The following ROBO1 variants were observed in gnomAD, a reference collection of about 807,000 sequenced individuals.
ROBO1 encodes roundabout guidance receptor 1.
In ROBO1, 149 loss-of-function variants were observed where a neutral mutation model predicts 195.9. The observed-to-expected ratio is 0.76, with a 90% CI of 0.67 to 0.87. The LOEUF (loss-of-function observed/expected upper bound fraction) is 0.87. Among genes scored for constraint, ROBO1 ranks in the 40% least tolerant of loss-of-function variants. The pLI is 0.00. For synonymous variants in ROBO1, 816 were observed against 733.2 expected (o/e 1.11, Z -1.82); for missense variants, 1,933 against 2,068.3 (o/e 0.93, Z 1.27).
intron 3 of ROBO1, among the ~76,000 whole-genome samples, chr3:78,994,532 A>C (rs2077315217): frequency 6.6e-6 from 1 of 152,204 alleles, no homozygotes; most frequent in South Asian, 2.1e-4. Context: ...AAATCTCAGC[A>C]ATGTGAAACA....
intron 2 of ROBO1, among the ~76,000 whole-genome samples, chr3:79,337,940 C>G (rs1489847): frequency 0.72 from 109,351 of 152,084 alleles, 40,770 homozygotes; most frequent in African/African-American, 0.93. Context: ...TCTTTCATTT[C>G]TTATTAGTTT....
At chr3:78,985,207 G>C (rs2077079097) in intron 3 of ROBO1, among the ~76,000 whole-genome samples, 1 of 152,016 alleles carries the variant, frequency 6.6e-6, no homozygotes, top group African/African-American at 2.4e-5. Context: ...GGCTGAGGTG[G>C]GAGGATCGCT....
At chr3:78,631,328 G>T in intron 24 of ROBO1, 23 bp from the exon 25 acceptor site, 1 of 1,608,178 alleles carries the variant, frequency 6.2e-7, no homozygotes, top group Non-Finnish European at 8.5e-7. Flanking sequence ...TAAAATAGAA[G>T]CCATTGATCT....
rs138262450 is a variant in ROBO1, at chr3:79,251,820, C to T, written c.89-126281G>A. On this transcript the variant is annotated intron_variant, in intron 2 of 30. Coordinates refer to ENST00000464233, the MANE Select transcript of ROBO1 (RefSeq NM_002941.4). ...CAAGAATTAGCCAGGCATGGTGGCG[C>T]GCATCTGTAATCCCAGCTACTTGGG... Among the ~76,000 whole-genome samples, 93 of 151,888 alleles carry T rather than the reference C, an allele frequency of 6.1e-4. 1 individual carries two copies. The East Asian group carries it at 6.6e-3, about 11-fold the overall frequency.
rs765249988 is a variant in ROBO1 at position 78,606,961 on chromosome 3, C to G, written c.4516G>C (p.Val1506Leu). 1.2e-6 allele frequency: 2 copies of G among 1,613,762 alleles called. No homozygotes were observed. The highest frequency in any genetic ancestry group is 2.7e-5 in the African/African-American group (2 of 74,874). Reference sequence around the variant, plus strand: ...ATAGAAGGGAGTTTTGGCACCACTACAGGTCGTACTTCCAGCTGTGTCTTG... The same window carrying G: ...ATAGAAGGGAGTTTTGGCACCACTAGAGGTCGTACTTCCAGCTGTGTCTTG... ...QSKTQLEVRP[V>L]VVPKLPSMDA... The change falls in exon 29 of 31, where the codon GTA becomes CTA. Residue 1506 changes from valine (V) to leucine (L), a missense_variant. Val to Leu is a conservative substitution (Grantham distance 32, BLOSUM62 1). This residue lies in a region of ROBO1 where 1,737 missense variants were observed against 1,882.5 expected (regional missense o/e 0.92). Transcript: ENST00000464233.
intron 1 of ROBO1, among the ~76,000 whole-genome samples, chr3:79,659,357 G>A (rs922266706): frequency 1.3e-5 from 2 of 152,058 alleles, no homozygotes; most frequent in African/African-American, 2.4e-5. Context: ...ATAATAAAAT[G>A]TAATGATATA....
chr3:79,173,973 T>C (rs1394284593), intron 2 of ROBO1, among the ~76,000 whole-genome samples: 1 of 152,020 alleles, frequency 6.6e-6, no homozygotes, highest in African/African-American at 2.4e-5. Context: ...TGGAGAACCT[T>C]TGTGTCTGGC....
chr3:78,850,893 G>A (rs866139645), intron 4 of ROBO1, among the ~76,000 whole-genome samples: 4 of 151,372 alleles, frequency 2.6e-5, no homozygotes, highest in Non-Finnish European at 4.4e-5. Flanking sequence ...TGCAACCTCC[G>A]CCTCCTGGGT....
At chr3:78,938,202 A>G (rs1465303502) in intron 4 of ROBO1, 1 of 170,264 alleles carries the variant, frequency 5.9e-6, no homozygotes, top group Non-Finnish European at 1.3e-5. Flanking sequence ...CCCAATGGAC[A>G]TGGTGCAGTA....
At chr3:79,564,551 T>G (rs896823412) in intron 2 of ROBO1, among the ~76,000 whole-genome samples, 2 of 152,044 alleles carry the variant, frequency 1.3e-5, no homozygotes, top group Non-Finnish European at 2.9e-5. Flanking sequence ...AAGGAGATAT[T>G]TTATGAATTG....
At chr3:78,961,247 C>CA (rs149291577) in intron 3 of ROBO1, among the ~76,000 whole-genome samples, 43 of 151,806 alleles carry the variant, frequency 2.8e-4, no homozygotes, top group Non-Finnish European at 4.6e-4. Context: ...ATTTTTCATA[C>CA]AAAAAAAATT....
intron 2 of ROBO1, among the ~76,000 whole-genome samples, chr3:79,190,515 T>G (rs566969151): frequency 6.6e-6 from 1 of 151,748 alleles, no homozygotes; most frequent in South Asian, 2.1e-4. Context: ...TTACTCTTAC[T>G]CGTTTCTGAT....
At chr3:79,157,063 CTATATG>C (rs988393270) in intron 2 of ROBO1, among the ~76,000 whole-genome samples, 1 of 151,824 alleles carries the variant, frequency 6.6e-6, no homozygotes, top group Non-Finnish European at 1.5e-5. Context: ...CCATTTAAAA[CTATATG>C]TATATTTTTA....
chr3:78,996,435 T>C (rs1217686490), intron 3 of ROBO1, among the ~76,000 whole-genome samples: 1 of 152,150 alleles, frequency 6.6e-6, no homozygotes, highest in Non-Finnish European at 1.5e-5. Context: ...CAAACCTTTG[T>C]ACTTATTTTA....
intron 3 of ROBO1, among the ~76,000 whole-genome samples, chr3:78,978,234 A>G (rs1238476239): frequency 6.6e-6 from 1 of 152,026 alleles, no homozygotes; most frequent in African/African-American, 2.4e-5. Flanking sequence ...CTAGTGGCCA[A>G]TTCAATTAAC....
intron 2 of ROBO1, among the ~76,000 whole-genome samples, chr3:79,470,786 T>C (rs530131197): frequency 6.6e-6 from 1 of 152,232 alleles, no homozygotes; most frequent in South Asian, 2.1e-4. Context: ...CTCATTCACC[T>C]TCCACCATGA....
At chr3:79,173,829 G>T (rs930015116) in intron 2 of ROBO1, among the ~76,000 whole-genome samples, 3 of 152,166 alleles carry the variant, frequency 2.0e-5, no homozygotes, top group Non-Finnish European at 4.4e-5. Flanking sequence ...CTAGCCAAGG[G>T]ATTGTAAATA....
At chr3:79,455,332 T>G (rs1296588276) in intron 2 of ROBO1, among the ~76,000 whole-genome samples, 1 of 152,124 alleles carries the variant, frequency 6.6e-6, no homozygotes, top group East Asian at 1.9e-4. Flanking sequence ...ATGGACCAGA[T>G]GGCTTAACTG....
At chr3:79,748,455 C>G (rs1464351045) in intron 1 of ROBO1, among the ~76,000 whole-genome samples, 1 of 152,086 alleles carries the variant, frequency 6.6e-6, no homozygotes, top group Admixed American at 6.5e-5. Flanking sequence ...ATATGGATCT[C>G]CATACACATT....
Sources: gnomAD v4.1 joint callset for allele counts (sites outside exome capture counted in the v4.1 genomes callset) on GRCh38, gnomAD v4.1.1 for gene constraint, gnomAD v4.1.1 regional missense constraint, MANE v1.5 for transcripts, NCBI Gene and HGNC (gene_info 2026-07-23, HGNC 2026-07-21) for gene names.